MBD5: variants seen among roughly 807,000 people sequenced by gnomAD.
MBD5 encodes methyl-CpG-binding domain protein 5.
MBD5 carries 13 observed loss-of-function variants against 117.3 expected under a neutral mutation model. The ratio of observed to expected loss-of-function variants is 0.11; its 90% CI spans 0.07 to 0.18. The LOEUF is 0.18. Ranked by LOEUF, MBD5 falls within the 10% of genes least tolerant of loss-of-function variation. MBD5 has a pLI of 1.00. For synonymous variants in MBD5, 727 were observed against 766.4 expected (o/e 0.95, Z 0.85); for missense variants, 1,879 against 2,093.8 (o/e 0.90, Z 2.00).
At chr2:148,503,423 A>G (rs1297845231) in intron 12 of MBD5, among the ~76,000 whole-genome samples, 1 of 152,208 alleles carries the variant, frequency 6.6e-6, no homozygotes, top group African/African-American at 2.4e-5. Flanking sequence ...AGTGGAGATC[A>G]GAATGATTCG....
intron 2 of MBD5, among the ~76,000 whole-genome samples, chr2:148,182,549 G>A (rs1353902856): frequency 2.6e-5 from 4 of 152,180 alleles, no homozygotes; most frequent in Non-Finnish European, 4.4e-5. Context: ...CTTCTAAAAT[G>A]AGATGTGCAT....
intron 4 of MBD5, among the ~76,000 whole-genome samples, chr2:148,423,719 A>G (rs1705682514): frequency 6.6e-6 from 1 of 152,210 alleles, no homozygotes; most frequent in African/African-American, 2.4e-5. Flanking sequence ...TTAAATGTAA[A>G]CAGACTAAGT....
intron 3 of MBD5, among the ~76,000 whole-genome samples, chr2:148,333,907 A>G (rs1312380541): frequency 6.6e-6 from 1 of 152,122 alleles, no homozygotes; most frequent in Non-Finnish European, 1.5e-5. Context: ...TATTCACACC[A>G]AAGAATGAAC....
chr2:148,210,818 A>T (rs931286426), intron 2 of MBD5, among the ~76,000 whole-genome samples: 1 of 152,132 alleles, frequency 6.6e-6, no homozygotes, highest in Non-Finnish European at 1.5e-5. Flanking sequence ...TGTTACATAT[A>T]TACTTTTTTC....
chr2:148,386,368 T>C (rs1704361244), intron 4 of MBD5, among the ~76,000 whole-genome samples: 1 of 152,066 alleles, frequency 6.6e-6, no homozygotes, highest in African/African-American at 2.4e-5. Flanking sequence ...AGATAAGTGA[T>C]ATGATTAAAA....
At chr2:148,046,616 G>A (rs147426323) in intron 1 of MBD5, among the ~76,000 whole-genome samples, 7 of 151,962 alleles carry the variant, frequency 4.6e-5, no homozygotes, top group South Asian at 2.1e-4. Flanking sequence ...TCACCAAATC[G>A]TATAGAATTG....
chr2:148,483,563 C>G lies in MBD5; in HGVS notation c.2972C>G (p.Ala991Gly). Reference protein sequence around the residue: ...LQPVHFQLLAALLQNQAQAAA... With the variant: ...LQPVHFQLLAGLLQNQAQAAA... ...CCTGTTCACTTTCAGCTCTTAGCAG[C>G]CTTGCTTCAGAACCAAGCCCAAGCA... Residue 991 changes from alanine (A) to glycine (G), a missense_variant, in exon 9 of 14, where the codon GCC becomes GGC. This residue lies in a region of MBD5 where 1,666 missense variants were observed against 1,792.2 expected (regional missense o/e 0.93). Transcript: ENST00000642680. 2 of 1,570,690 alleles carry G rather than the reference C, an allele frequency of 1.3e-6. No homozygotes were observed. The highest frequency in any genetic ancestry group is 1.7e-6 in the Non-Finnish European group (2 of 1,157,910).
chr2:148,085,615 T>C (rs949890859), intron 1 of MBD5, among the ~76,000 whole-genome samples: 2 of 150,502 alleles, frequency 1.3e-5, no homozygotes, highest in African/African-American at 4.9e-5. Context: ...TCCCAGCTAC[T>C]TGGGAGGCTG....
intron 1 of MBD5, among the ~76,000 whole-genome samples, chr2:148,058,547 A>T (rs1164335775): frequency 7.3e-5 from 11 of 149,836 alleles, no homozygotes; most frequent in African/African-American, 1.9e-4. Flanking sequence ...CTTTTTTTTT[A>T]AAAAGAGATT....
chr2:148,270,576 A>T (rs929578781), intron 3 of MBD5, among the ~76,000 whole-genome samples: 2 of 151,988 alleles, frequency 1.3e-5, no homozygotes, highest in African/African-American at 4.8e-5. Flanking sequence ...TTTAGTAGAG[A>T]TGGGGTTTCA....
chr2:148,280,088 G>A (rs1701206130), intron 3 of MBD5, among the ~76,000 whole-genome samples: 2 of 130,502 alleles, frequency 1.5e-5, no homozygotes, highest in South Asian at 5.1e-4. Flanking sequence ...TTCCTGGTTT[G>A]GAAGCTATAG....
chr2:148,053,722 A>G (rs554420727), intron 1 of MBD5, among the ~76,000 whole-genome samples: 92 of 151,924 alleles, frequency 6.1e-4, no homozygotes, highest in Middle Eastern at 3.2e-3. Flanking sequence ...GTGTACTTAT[A>G]GTTTGCTCAT....
chr2:148,279,571 C>T (rs1445115516), intron 3 of MBD5, among the ~76,000 whole-genome samples: 2 of 152,194 alleles, frequency 1.3e-5, no homozygotes. Context: ...AGATGACACC[C>T]ACAATCCACT....
chr2:148,086,663 G>A (rs1431007419), intron 1 of MBD5, among the ~76,000 whole-genome samples: 1 of 152,118 alleles, frequency 6.6e-6, no homozygotes, highest in Non-Finnish European at 1.5e-5. Flanking sequence ...ACTACTGCTA[G>A]AGTTACATTT....
chr2:148,187,301 T>C, intron 2 of MBD5, among the ~76,000 whole-genome samples: 1 of 148,578 alleles, frequency 6.7e-6, no homozygotes, highest in African/African-American at 2.5e-5. Flanking sequence ...TCCCCCTTCC[T>C]CCATACCCCC....
At position 148,080,140 on chromosome 2, in the gene MBD5, G is replaced by A. The variant is rs1695614713; in HGVS notation, c.-925+58456G>A. ...AGTTTAGGATTAAGGTGAAGGTGAT[G>A]TTGGAAGGCATGGAAATAGGGGCAG... On this transcript the variant is annotated intron_variant, in intron 1 of 13. Transcript: ENST00000642680. 2.0e-5 allele frequency among the ~76,000 whole-genome samples: 3 copies of A among 152,312 alleles called. 1 individual carries two copies. The South Asian group carries it at 6.2e-4, about 32-fold the overall frequency.
intron 4 of MBD5, among the ~76,000 whole-genome samples, chr2:148,351,251 C>G (rs1274592421): frequency 6.6e-6 from 1 of 151,950 alleles, no homozygotes; most frequent in Non-Finnish European, 1.5e-5. Context: ...CCTATAAACA[C>G]TGGTATTCAC....
intron 2 of MBD5, among the ~76,000 whole-genome samples, chr2:148,190,441 G>A (rs1455492025): frequency 3.6e-3 from 3 of 838 alleles, no homozygotes; most frequent in African/African-American, 3.8e-3. Context: ...AAGAGAGTGG[G>A]GGCCAATATT....
intron 3 of MBD5, chr2:148,330,705 G>T (rs1011003411): frequency 6.6e-6 from 1 of 152,166 alleles, no homozygotes; most frequent in African/African-American, 2.4e-5. Flanking sequence ...CAAGACATTT[G>T]TGTGAAATAA....
Sources: gnomAD v4.1 joint callset for allele counts (sites outside exome capture counted in the v4.1 genomes callset) on GRCh38, gnomAD v4.1.1 for gene constraint, gnomAD v4.1.1 regional missense constraint, MANE v1.5 for transcripts, NCBI Gene and HGNC (gene_info 2026-07-23, HGNC 2026-07-21) for gene names.